PLA2G4E: variants seen among roughly 807,000 people sequenced by gnomAD.
PLA2G4E encodes cytosolic phospholipase A2 epsilon.
A neutral mutation model predicts 109.1 loss-of-function variants in PLA2G4E; 84 were observed. The ratio of observed to expected loss-of-function variants is 0.77; its 90% CI spans 0.65 to 0.92. PLA2G4E has a LOEUF of 0.92. Ranked by LOEUF, PLA2G4E falls within the 40% of genes least tolerant of loss-of-function variation. The pLI is 0.00. For missense variants in PLA2G4E, 1,057 were observed against 1,076.6 expected, an observed-to-expected ratio of 0.98 and a Z score of 0.25; for synonymous variants, 469 against 436.1, an observed-to-expected ratio of 1.08 and a Z score of -0.94.
chr15:42,032,037 T>C (rs1362657632), intron 1 of PLA2G4E, among the ~76,000 whole-genome samples: 1 of 152,080 alleles, frequency 6.6e-6, no homozygotes, highest in Non-Finnish European at 1.5e-5. Context: ...CAAGATCTAG[T>C]TGTTAAAAAA....
chr15:42,030,362 A>G (rs1236039302), intron 1 of PLA2G4E, among the ~76,000 whole-genome samples: 1 of 152,188 alleles, frequency 6.6e-6, no homozygotes, highest in African/African-American at 2.4e-5. Flanking sequence ...AGCAAGTGGT[A>G]GCCTGCAAAA....
chr15:41,985,308 G>T (rs1160660593), intron 18 of PLA2G4E, among the ~76,000 whole-genome samples: 2 of 152,124 alleles, frequency 1.3e-5, no homozygotes, highest in Non-Finnish European at 2.9e-5. Context: ...ACTTCACTTC[G>T]CCTGGCTTCA....
chr15:42,037,439 T>C (rs1203427732), intron 1 of PLA2G4E, among the ~76,000 whole-genome samples: 1 of 152,198 alleles, frequency 6.6e-6, no homozygotes, highest in Non-Finnish European at 1.5e-5. Context: ...TGAACACTAG[T>C]AGGGACGCCC....
At chr15:42,045,034 T>C (rs868533052) in intron 1 of PLA2G4E, among the ~76,000 whole-genome samples, 3 of 151,440 alleles carry the variant, frequency 2.0e-5, no homozygotes, top group African/African-American at 4.9e-5. Context: ...CCCGGCAGGA[T>C]AGATTAGATA....
At chr15:41,996,364 A>G (rs1261818654) in intron 11 of PLA2G4E, among the ~76,000 whole-genome samples, 2 of 147,734 alleles carry the variant, frequency 1.4e-5, no homozygotes, top group African/African-American at 4.9e-5. Context: ...AAAAAAAAAA[A>G]AAAAAAAAAA....
exon 13 of PLA2G4E, chr15:41,992,809 G>A: frequency 6.2e-7 from 1 of 1,613,890 alleles, no homozygotes; most frequent in Non-Finnish European, 8.5e-7. Context: ...CTTCCTGGCT[G>A]CGCTGCCGGA....
intron 1 of PLA2G4E, among the ~76,000 whole-genome samples, chr15:42,046,321 G>A (rs376378463): frequency 6.6e-6 from 1 of 152,170 alleles, no homozygotes; most frequent in Non-Finnish European, 1.5e-5. Context: ...GCTGCTTTCC[G>A]CAGCATCCGG....
At chr15:42,008,572 C>T (rs1162318252) in intron 2 of PLA2G4E, among the ~76,000 whole-genome samples, 1 of 152,160 alleles carries the variant, frequency 6.6e-6, no homozygotes, top group African/African-American at 2.4e-5. Flanking sequence ...TGGATATGCT[C>T]TGGAGAAGGG....
At chr15:41,995,329 G>A (rs752972932) in intron 12 of PLA2G4E, 31 bp downstream of exon 12, 1 of 1,603,176 alleles carries the variant, frequency 6.2e-7, no homozygotes, top group Non-Finnish European at 8.5e-7. Context: ...CTTGCCCTGG[G>A]CTCCACAGAC....
intron 2 of PLA2G4E, chr15:42,010,132 G>GTCCC (rs2068518454): frequency 4.9e-6 from 2 of 407,002 alleles, no homozygotes; most frequent in African/African-American, 5.9e-5. Context: ...CAGAACACTG[G>GTCCC]CCCCCCCACC....
intron 1 of PLA2G4E, among the ~76,000 whole-genome samples, chr15:42,027,492 C>T (rs896857551): frequency 6.6e-6 from 1 of 152,178 alleles, no homozygotes; most frequent in African/African-American, 2.4e-5. Context: ...AAGCCATTAT[C>T]TCCACTTAAC....
chr15:42,040,376 T>A (rs1006934425), intron 1 of PLA2G4E, among the ~76,000 whole-genome samples: 2 of 151,886 alleles, frequency 1.3e-5, no homozygotes, highest in African/African-American at 4.8e-5. Context: ...CTGAAAAAAA[T>A]AATCATTTTG....
chr15:42,003,583 T>C (rs747490986), intron 5 of PLA2G4E, among the ~76,000 whole-genome samples: 4 of 152,220 alleles, frequency 2.6e-5, no homozygotes, highest in African/African-American at 4.8e-5. Context: ...AGAGCTTCGA[T>C]TTTCTTCAAT....
chr15:41,982,645 G>GCAT (rs2068080956), exon 20 of PLA2G4E: 1 of 152,416 alleles, frequency 6.6e-6, no homozygotes, highest in African/African-American at 2.4e-5. Context: ...AGCGCTGGAT[G>GCAT]CATCGCCTGC....
At chr15:42,018,954 C>T (rs1404562386) in intron 1 of PLA2G4E, among the ~76,000 whole-genome samples, 1 of 151,934 alleles carries the variant, frequency 6.6e-6, no homozygotes, top group East Asian at 1.9e-4. Flanking sequence ...CTCTGGCAGG[C>T]CCAGCTGGGC....
intron 1 of PLA2G4E, among the ~76,000 whole-genome samples, chr15:42,039,121 C>CAG (rs1889270321): frequency 6.6e-6 from 1 of 152,172 alleles, no homozygotes; most frequent in Non-Finnish European, 1.5e-5. Flanking sequence ...CCACTGCCTT[C>CAG]AAGCCTCTTA....
At chr15:41,988,246 C>T (rs2068182459) in intron 15 of PLA2G4E, 90 bp from the exon 16 acceptor site, 1 of 871,516 alleles carries the variant, frequency 1.1e-6, no homozygotes. Context: ...ACCCCCCCAC[C>T]CCACGCAAGC....
intron 2 of PLA2G4E, among the ~76,000 whole-genome samples, chr15:42,008,521 T>C (rs2141051064): frequency 6.6e-6 from 1 of 152,348 alleles, no homozygotes; most frequent in East Asian, 1.9e-4. Context: ...GGCCACATAC[T>C]TCTTTTTCAT....
At chr15:41,990,344 G>A in intron 13 of PLA2G4E, 109 bp from the exon 14 acceptor site, 1 of 937,968 alleles carries the variant, frequency 1.1e-6, no homozygotes, top group South Asian at 1.5e-5. Flanking sequence ...TGGCTCCTGA[G>A]CTCACCGGGC....
Sources: gnomAD v4.1 joint callset for allele counts (sites outside exome capture counted in the v4.1 genomes callset) on GRCh38, gnomAD v4.1.1 for gene constraint, MANE v1.5 for transcripts, NCBI Gene and HGNC (gene_info 2026-07-23, HGNC 2026-07-21) for gene names.